The following SLC8A1 variants were observed in gnomAD, a reference collection of about 807,000 sequenced individuals.
SLC8A1 encodes the protein solute carrier family 8 member A1.
SLC8A1 carries 18 observed loss-of-function variants against 68.3 expected under a neutral mutation model. That is an observed-to-expected ratio of 0.26 (90% CI 0.18 to 0.39). The LOEUF (loss-of-function observed/expected upper bound fraction) is 0.39. Ranked by LOEUF, SLC8A1 falls within the 10% of genes least tolerant of loss-of-function variation. The pLI, the probability that SLC8A1 is intolerant of heterozygous loss-of-function variation, is 1.00. For missense variants in SLC8A1, 985 were observed against 1,156.7 expected (o/e 0.85, Z 2.15); for synonymous variants, 475 against 415.5 (o/e 1.14, Z -1.74).
intron 7 of SLC8A1, among the ~76,000 whole-genome samples, chr2:40,125,362 G>C (rs2037856922): frequency 6.6e-6 from 1 of 152,146 alleles, no homozygotes; most frequent in Non-Finnish European, 1.5e-5. Flanking sequence ...AGTGTCCCGA[G>C]GGTGCCTAGG....
intron 2 of SLC8A1, among the ~76,000 whole-genome samples, chr2:40,279,640 A>C (rs1010796423): frequency 2.6e-5 from 4 of 152,208 alleles, no homozygotes; most frequent in African/African-American, 9.6e-5. Flanking sequence ...AGGGTCTGGC[A>C]TATCTCTTCC....
chr2:40,131,225 T>C (rs1572916962), intron 7 of SLC8A1, among the ~76,000 whole-genome samples: 2 of 151,918 alleles, frequency 1.3e-5, no homozygotes, highest in South Asian at 2.1e-4. Flanking sequence ...GGAGGGAGGG[T>C]TGGGTTTGAA....
At chr2:40,364,107 T>A (rs1479737957) in intron 2 of SLC8A1, among the ~76,000 whole-genome samples, 1 of 152,142 alleles carries the variant, frequency 6.6e-6, no homozygotes, top group East Asian at 1.9e-4. Flanking sequence ...AGTAAAAATG[T>A]GCAACTGCCT....
At chr2:40,138,117 C>T (rs2040869544) in intron 7 of SLC8A1, among the ~76,000 whole-genome samples, 1 of 151,992 alleles carries the variant, frequency 6.6e-6, no homozygotes, top group African/African-American at 2.4e-5. Flanking sequence ...GACCATAATT[C>T]TGCATGTTAA....
chr2:40,141,524 G>A (rs2041566095), intron 6 of SLC8A1, among the ~76,000 whole-genome samples: 1 of 152,184 alleles, frequency 6.6e-6, no homozygotes, highest in Non-Finnish European at 1.5e-5. Flanking sequence ...AGCCTTTGGA[G>A]AACTCCCCAG....
chr2:40,318,519 T>G (rs2074774527), intron 2 of SLC8A1, among the ~76,000 whole-genome samples: 2 of 152,050 alleles, frequency 1.3e-5, no homozygotes, highest in Non-Finnish European at 2.9e-5. Flanking sequence ...TTATAACATT[T>G]CCAAAGCCAT....
intron 1 of SLC8A1, among the ~76,000 whole-genome samples, chr2:40,468,884 T>C (rs1483795464): frequency 6.6e-6 from 1 of 151,912 alleles, no homozygotes; most frequent in African/African-American, 2.4e-5. Flanking sequence ...TATACCAGCC[T>C]GGGCAATATA....
At chr2:40,505,009 A>G (rs539625416) in intron 1 of SLC8A1, among the ~76,000 whole-genome samples, 5 of 152,138 alleles carry the variant, frequency 3.3e-5, no homozygotes, top group South Asian at 2.1e-4. Flanking sequence ...CTGTACTCCT[A>G]TGTTTGTTGC....
At chr2:40,441,056 A>C (rs1446938219) in intron 1 of SLC8A1, among the ~76,000 whole-genome samples, 2 of 152,210 alleles carry the variant, frequency 1.3e-5, no homozygotes, top group Non-Finnish European at 2.9e-5. Context: ...AAAACTCCTT[A>C]AGCTGACAAG....
intron 2 of SLC8A1, among the ~76,000 whole-genome samples, chr2:40,312,902 C>T (rs1267349268): frequency 6.6e-6 from 1 of 152,022 alleles, no homozygotes; most frequent in Non-Finnish European, 1.5e-5. Context: ...ATATAATAAA[C>T]TGAACATAAA....
At chr2:40,324,242 G>C (rs1480754174) in intron 2 of SLC8A1, among the ~76,000 whole-genome samples, 1 of 152,152 alleles carries the variant, frequency 6.6e-6, no homozygotes, top group East Asian at 1.9e-4. Context: ...AGTAGAGGTA[G>C]CATGAATTGA....
intron 2 of SLC8A1, among the ~76,000 whole-genome samples, chr2:40,325,135 T>C (rs2075662560): frequency 6.6e-6 from 1 of 152,152 alleles, no homozygotes; most frequent in Non-Finnish European, 1.5e-5. Flanking sequence ...CTACAATTAA[T>C]TCCTTATAGG....
intron 2 of SLC8A1, among the ~76,000 whole-genome samples, chr2:40,192,557 C>T (rs748702542): frequency 6.6e-5 from 10 of 151,898 alleles, no homozygotes; most frequent in Admixed American, 1.3e-4. Flanking sequence ...TGGAGAAATA[C>T]GGGAAAGCTT....
rs1158514373 is a variant in SLC8A1, at chr2:40,190,155, G to T, written c.1809-12300C>A. ...CTAAATCACTCGCAAATGCCATGCT[G>T]CTTAGCGCCCTTCTGCTAATCACCC... On this transcript the variant is annotated intron_variant, in intron 2 of 7. Transcript: ENST00000406785. Among the ~76,000 whole-genome samples, 5 of 152,154 alleles carry T rather than the reference G, an allele frequency of 3.3e-5. No individual in the cohort carries two copies. In the South Asian group the frequency reaches 6.2e-4, roughly 19 times the overall value.
At chr2:40,272,847 G>T (rs561666778) in intron 2 of SLC8A1, among the ~76,000 whole-genome samples, 5 of 152,230 alleles carry the variant, frequency 3.3e-5, no homozygotes, top group African/African-American at 4.8e-5. Flanking sequence ...TGGCAAGTAC[G>T]ATTTGGAGCA....
intron 1 of SLC8A1, among the ~76,000 whole-genome samples, chr2:40,479,178 A>G (rs974086287): frequency 2.6e-5 from 4 of 152,256 alleles, no homozygotes; most frequent in African/African-American, 9.6e-5. Flanking sequence ...TCGAATAAAC[A>G]GTTAACATAT....
intron 2 of SLC8A1, among the ~76,000 whole-genome samples, chr2:40,199,381 T>C (rs1558717086): frequency 6.6e-6 from 1 of 151,726 alleles, no homozygotes; most frequent in African/African-American, 2.4e-5. Flanking sequence ...CAACACATGA[T>C]ACTCTTATTC....
At chr2:40,286,212 T>G (rs749066398) in intron 2 of SLC8A1, among the ~76,000 whole-genome samples, 5 of 152,128 alleles carry the variant, frequency 3.3e-5, no homozygotes, top group Non-Finnish European at 4.4e-5. Context: ...TCAAACTATT[T>G]TTACTCCATT....
At chr2:40,344,116 T>C (rs762381092) in intron 2 of SLC8A1, among the ~76,000 whole-genome samples, 2 of 152,088 alleles carry the variant, frequency 1.3e-5, no homozygotes, top group Non-Finnish European at 2.9e-5. Flanking sequence ...AGTGAGGCCA[T>C]AGAGAAGTCA....
Sources: gnomAD v4.1 joint callset for allele counts (sites outside exome capture counted in the v4.1 genomes callset) on GRCh38, gnomAD v4.1.1 for gene constraint, MANE v1.5 for transcripts, NCBI Gene and HGNC (gene_info 2026-07-23, HGNC 2026-07-21) for gene names.